The following P2RY6 variants were observed in gnomAD, a reference collection of about 807,000 sequenced individuals.
P2RY6 encodes the protein pyrimidinergic receptor P2Y6.
A neutral mutation model predicts 16.3 loss-of-function variants in P2RY6; 19 were observed. The ratio of observed to expected loss-of-function variants is 1.16; its 90% confidence interval spans 0.81 to 1.71. The LOEUF (loss-of-function observed/expected upper bound fraction) is 1.71, where lower values mean the gene tolerates loss of function less well. P2RY6 is among the 40% of genes most tolerant of loss of function. The probability of loss-of-function intolerance (pLI) is 0.00; values close to 1 mark genes in which losing one functional copy is unlikely to be tolerated. For missense variants in P2RY6, 389 were observed against 455.5 expected, an observed-to-expected ratio of 0.85 and a Z score of 1.33; for synonymous variants, 184 against 201.5, an observed-to-expected ratio of 0.91 and a Z score of 0.74.
At chr11:73,295,577 G>C (rs532681428) in intron 1 of P2RY6, among the ~76,000 whole-genome samples, 153 bp from the exon 2 acceptor site, 1 of 152,164 alleles carries the variant, frequency 6.6e-6, no homozygotes, top group Admixed American at 6.5e-5. Context: ...CGGTTGACTC[G>C]GTCCCTCACC....
chr11:73,271,565 A>G (rs1334542182), upstream of P2RY6: 2 of 152,184 alleles, frequency 1.3e-5, no homozygotes, highest in East Asian at 1.9e-4. Context: ...AGGTTTCACA[A>G]TGTCCTTCCA....
At chr11:73,287,533 C>T (rs1249931117) in intron 1 of P2RY6, among the ~76,000 whole-genome samples, 1 of 152,212 alleles carries the variant, frequency 6.6e-6, no homozygotes, top group Admixed American at 6.5e-5. Flanking sequence ...GAAGAAGCTA[C>T]AGAGGGGCTG....
chr11:73,270,479 A>AC (rs1248555758), upstream of P2RY6, among the ~76,000 whole-genome samples: 2 of 152,022 alleles, frequency 1.3e-5, no homozygotes, highest in African/African-American at 2.4e-5. Flanking sequence ...TCACCCCTGA[A>AC]CCTACCTTTG....
chr11:73,270,472 C>T (rs149212229), upstream of P2RY6, among the ~76,000 whole-genome samples: 1,479 of 152,260 alleles, frequency 9.7e-3, 14 homozygotes, highest in Middle Eastern at 0.017. Context: ...GGGAGGCTCA[C>T]CCCTGAACCT....
chr11:73,271,772 G>A (rs1863321750), upstream of P2RY6: 1 of 152,118 alleles, frequency 6.6e-6, no homozygotes, highest in African/African-American at 2.4e-5. Context: ...CCTTTTCCGA[G>A]TATAAAACAG....
At chr11:73,269,356 T>C (rs1357456672), upstream of P2RY6, among the ~76,000 whole-genome samples, 2 of 152,178 alleles carry the variant, frequency 1.3e-5, no homozygotes, top group East Asian at 3.9e-4. Flanking sequence ...GCCTGAAAGT[T>C]AGCCCCTAAG....
At position 73,281,417 on chromosome 11, in the gene P2RY6, G is replaced by T. The variant is rs115975766; in HGVS notation, c.-121+8951G>T. Among the ~76,000 whole-genome samples, 1,101 of 152,352 alleles carry T rather than the reference G, an allele frequency of 7.2e-3. 11 individuals carry two copies. The highest frequency in any genetic ancestry group is 0.025 in the African/African-American group (1,041 of 41,572). On this transcript the variant is annotated intron_variant, in intron 1 of 2. Transcript: ENST00000540124. ...TGAGGACATCTGGCTCCCTTGGGCA[G>T]GGTGGGGCCCAGGGTCCTCCATCCA...
upstream of P2RY6, chr11:73,271,654 G>A (rs1456546248): frequency 6.6e-6 from 1 of 152,270 alleles, no homozygotes; most frequent in Non-Finnish European, 1.5e-5. Flanking sequence ...AGGTCAGGCA[G>A]GCCCAGGCCT....
At chr11:73,267,834 G>A (rs1371074899), upstream of P2RY6, among the ~76,000 whole-genome samples, 1 of 152,234 alleles carries the variant, frequency 6.6e-6, no homozygotes, top group African/African-American at 2.4e-5. Context: ...TGAAGAGGGT[G>A]AGCCAGACAA....
rs896984782 is a variant in P2RY6, at chr11:73,298,452, A to C, written c.*947A>C. 1.2e-5 allele frequency: 2 copies of C among 167,172 alleles called. No homozygotes were observed. Among genetic ancestry groups the C allele is most frequent in the African/African-American group, 2.4e-5 (1 of 41,476 alleles). 10.4% of individuals were successfully genotyped at this position (167,172 alleles called of 1,614,324 possible). A position where few individuals can be genotyped will look rare whatever the true frequency, so the allele number is the denominator to read the frequency against. On this transcript the variant is annotated 3_prime_UTR_variant, in exon 3 of 3. Transcript: ENST00000540124. Reference sequence around the variant, plus strand: ...GCAGTGGGAAGCCAATGGAGGGATTAAGCGGCGGAAGCTTCTTAGAAGAGG... The same window carrying C: ...GCAGTGGGAAGCCAATGGAGGGATTCAGCGGCGGAAGCTTCTTAGAAGAGG...
chr11:73,290,557 C>A (rs1253609673), intron 1 of P2RY6, among the ~76,000 whole-genome samples: 1 of 152,224 alleles, frequency 6.6e-6, no homozygotes, highest in African/African-American at 2.4e-5. Context: ...AGAGCTCATC[C>A]ATTGCTCTGG....
At chr11:73,285,793 C>A (rs1863948522) in intron 1 of P2RY6, among the ~76,000 whole-genome samples, 1 of 152,186 alleles carries the variant, frequency 6.6e-6, no homozygotes, top group Non-Finnish European at 1.5e-5. Context: ...TGAGGATCCA[C>A]CACTAGGTCT....
chr11:73,280,335 G>A (rs1352726334), intron 1 of P2RY6, among the ~76,000 whole-genome samples: 1 of 152,144 alleles, frequency 6.6e-6, no homozygotes, highest in East Asian at 1.9e-4. Context: ...ATTAAATGGG[G>A]CAATGCACAT....
intron 1 of P2RY6, among the ~76,000 whole-genome samples, chr11:73,291,667 G>A (rs1864252948): frequency 6.6e-6 from 1 of 152,196 alleles, no homozygotes; most frequent in Admixed American, 6.5e-5. Context: ...TGGCTTTGGG[G>A]TGAGATCGAT....
chr11:73,296,104 T>C (rs1864462435), intron 2 of P2RY6, among the ~76,000 whole-genome samples: 1 of 151,764 alleles, frequency 6.6e-6, no homozygotes, highest in African/African-American at 2.4e-5. Flanking sequence ...CAAGGTCATA[T>C]AGCAAATGCA....
intron 2 of P2RY6, 88 bp from the exon 3 acceptor site, chr11:73,296,397 A>T: frequency 8.4e-7 from 1 of 1,195,768 alleles, no homozygotes; most frequent in Non-Finnish European, 1.2e-6. Flanking sequence ...CTCACTGTTC[A>T]GACAGGGAGA....
At chr11:73,285,011 G>C (rs975798227) in intron 1 of P2RY6, among the ~76,000 whole-genome samples, 2 of 152,200 alleles carry the variant, frequency 1.3e-5, no homozygotes, top group Admixed American at 6.5e-5. Flanking sequence ...TTTTAGCTTA[G>C]AGTGGTAGGA....
intron 1 of P2RY6, among the ~76,000 whole-genome samples, chr11:73,276,615 T>A (rs1458233312): frequency 1.3e-5 from 2 of 152,196 alleles, no homozygotes; most frequent in African/African-American, 2.4e-5. Flanking sequence ...CACAAAATGA[T>A]ACATATTGTA....
In P2RY6 at chr11:73,297,032, C is replaced by G; in HGVS notation, c.514C>G (p.Arg172Gly). The G allele has an allele frequency of 6.2e-7, 1 of 1,600,734 alleles. No homozygotes were observed. Among genetic ancestry groups the G allele is most frequent in the South Asian group, 1.1e-5 (1 of 91,090 alleles). The change falls in exon 3 of 3, where the codon CGT (arginine) becomes GGT (glycine). Residue 172 changes from arginine to glycine, a missense_variant. Transcript: ENST00000540124. Reference sequence around the variant, plus strand: ...CATCTTCGCTGCCACAGGCATCCAGCGTAACCGCACTGTCTGCTATGACCT... The same window carrying G: ...CATCTTCGCTGCCACAGGCATCCAGGGTAACCGCACTGTCTGCTATGACCT... ...TAIFAATGIQ[R>G]NRTVCYDLSP...
Sources: gnomAD v4.1 joint callset for allele counts (sites outside exome capture counted in the v4.1 genomes callset) on GRCh38, gnomAD v4.1.1 for gene constraint, MANE v1.5 for transcripts, NCBI Gene and HGNC (gene_info 2026-07-23, HGNC 2026-07-21) for gene names.